AGTPBP1: variants seen among roughly 807,000 people sequenced by gnomAD.
AGTPBP1 encodes cytosolic carboxypeptidase 1.
Under a neutral mutation model 143.9 loss-of-function variants are expected in AGTPBP1, and 70 were observed. The ratio of observed to expected loss-of-function variants is 0.49; its 90% CI spans 0.40 to 0.59. AGTPBP1 has a LOEUF of 0.59. Ranked by LOEUF, AGTPBP1 falls within the 20% of genes least tolerant of loss-of-function variation. AGTPBP1 has a pLI of 0.00. For synonymous variants in AGTPBP1, 463 were observed against 500.2 expected, an observed-to-expected ratio of 0.93 and a Z score of 0.99; for missense variants, 1,229 against 1,464.5, an observed-to-expected ratio of 0.84 and a Z score of 2.62.
intron 17 of AGTPBP1, among the ~76,000 whole-genome samples, chr9:85,606,883 A>T (rs1215059161): frequency 3.9e-5 from 6 of 152,002 alleles, no homozygotes; most frequent in Admixed American, 3.9e-4. Context: ...AAAATAATAG[A>T]TACAAAAGCT....
the AGTPBP1 span, among the ~76,000 whole-genome samples, chr9:85,803,564 A>C: frequency 6.6e-6 from 1 of 152,198 alleles, no homozygotes; most frequent in Non-Finnish European, 1.5e-5. Context: ...TAAGGTCCTC[A>C]TGTCAGTGCT....
chr9:85,619,900 A>C (rs924342712), intron 15 of AGTPBP1, among the ~76,000 whole-genome samples: 2 of 152,136 alleles, frequency 1.3e-5, no homozygotes, highest in African/African-American at 4.8e-5. Flanking sequence ...ATGCTCAATA[A>C]TTCTGTCCAA....
intron 17 of AGTPBP1, among the ~76,000 whole-genome samples, chr9:85,603,496 A>C (rs1829799182): frequency 6.6e-6 from 1 of 152,194 alleles, no homozygotes; most frequent in Admixed American, 6.5e-5. Flanking sequence ...TTGGGCCTTG[A>C]ATAAACATCA....
chr9:85,690,458 A>G (rs1393463961), intron 3 of AGTPBP1, among the ~76,000 whole-genome samples: 2 of 152,132 alleles, frequency 1.3e-5, no homozygotes, highest in African/African-American at 4.8e-5. Flanking sequence ...TGATAGTGGT[A>G]TGGTCAGGAG....
chr9:85,753,309 C>T, the AGTPBP1 span: 14 of 1,613,654 alleles, frequency 8.7e-6, no homozygotes, highest in African/African-American at 1.3e-5. Flanking sequence ...TCTATAGGAA[C>T]TACAATTAAA....
At chr9:85,658,102 T>C (rs963689951) in intron 9 of AGTPBP1, among the ~76,000 whole-genome samples, 5 of 152,164 alleles carry the variant, frequency 3.3e-5, no homozygotes, top group Non-Finnish European at 2.9e-5. Flanking sequence ...ATAAACCCTA[T>C]TGAATTGTAG....
chr9:85,684,721 C>T (rs755825128), intron 3 of AGTPBP1, among the ~76,000 whole-genome samples: 1 of 152,112 alleles, frequency 6.6e-6, no homozygotes, highest in African/African-American at 2.4e-5. Context: ...AACTTCCTAA[C>T]ACTTAGCACT....
chr9:85,735,705 AAGGAGTCT>A (rs1336500080), intron 1 of AGTPBP1, among the ~76,000 whole-genome samples: 1 of 152,212 alleles, frequency 6.6e-6, no homozygotes, highest in Non-Finnish European at 1.5e-5. Flanking sequence ...ATGCACCAAA[AAGGAGTCT>A]AGAAAGTGTG....
chr9:85,646,422 T>C lies in AGTPBP1; in HGVS notation c.1088-4A>G, dbSNP rs1399207464. On this transcript the variant is annotated splice_region_variant and splice_polypyrimidine_tract_variant and intron_variant, in intron 11 of 25. Coordinates refer to ENST00000357081, the MANE Select transcript of AGTPBP1 (RefSeq NM_001330701.2). ...CTTTCATCTACTACGTCATCCACTA[T>C]GATACAAAATGTGCTATAAGTAGGT... The C allele has an allele frequency of 6.2e-7, 1 of 1,609,638 alleles. No individual in the cohort carries two copies. Among genetic ancestry groups the C allele is most frequent in the Non-Finnish European group, 8.5e-7 (1 of 1,177,204 alleles).
At chr9:85,634,564 T>C (rs1015395284) in intron 13 of AGTPBP1, among the ~76,000 whole-genome samples, 4 of 152,160 alleles carry the variant, frequency 2.6e-5, no homozygotes, top group Non-Finnish European at 4.4e-5. Context: ...CAGGGAGGGA[T>C]GCCATGACAC....
intron 9 of AGTPBP1, among the ~76,000 whole-genome samples, chr9:85,660,156 G>C (rs1444310097): frequency 2.6e-5 from 4 of 151,982 alleles, no homozygotes; most frequent in Non-Finnish European, 5.9e-5. Context: ...GACAGTTCTT[G>C]ATGAGCTAGC....
chr9:85,799,820 A>T, the AGTPBP1 span, among the ~76,000 whole-genome samples: 1 of 152,064 alleles, frequency 6.6e-6, no homozygotes, highest in African/African-American at 2.4e-5. Context: ...GCCCAGTCAA[A>T]ATTTTTCAAA....
At chr9:85,784,424 T>G in the AGTPBP1 span, among the ~76,000 whole-genome samples, 9 of 152,162 alleles carry the variant, frequency 5.9e-5, no homozygotes, top group African/African-American at 2.2e-4. Flanking sequence ...GATTTTTTTT[T>G]AGAGTTGGGG....
At chr9:85,795,198 G>T in the AGTPBP1 span, among the ~76,000 whole-genome samples, 1 of 152,104 alleles carries the variant, frequency 6.6e-6, no homozygotes, top group Admixed American at 6.6e-5. Flanking sequence ...AGGTCATTTG[G>T]CATTTGTAGT....
intron 1 of AGTPBP1, among the ~76,000 whole-genome samples, chr9:85,735,378 T>C (rs150819999): frequency 0.022 from 3,333 of 152,228 alleles, 36 homozygotes; most frequent in South Asian, 0.035. Flanking sequence ...GAATGGATTA[T>C]GGGGGAGGGG....
chr9:85,631,794 G>A (rs1831695649), intron 14 of AGTPBP1, among the ~76,000 whole-genome samples: 1 of 151,972 alleles, frequency 6.6e-6, no homozygotes, highest in South Asian at 2.1e-4. Flanking sequence ...ACTGATACAA[G>A]CCATTATCAT....
At chr9:85,751,470 T>C in the AGTPBP1 span, among the ~76,000 whole-genome samples, 20 of 152,204 alleles carry the variant, frequency 1.3e-4, no homozygotes, top group Non-Finnish European at 2.4e-4. Context: ...GCACTTTCAA[T>C]TGCGTACTTA....
intron 23 of AGTPBP1, among the ~76,000 whole-genome samples, chr9:85,584,226 A>T (rs1828465269): frequency 6.6e-6 from 1 of 152,112 alleles, no homozygotes. Flanking sequence ...TATTTAATGC[A>T]GTCTAACCTA....
chr9:85,777,092 C>T, the AGTPBP1 span, among the ~76,000 whole-genome samples: 5 of 152,084 alleles, frequency 3.3e-5, no homozygotes, highest in Non-Finnish European at 5.9e-5. Context: ...CTTCATCCTG[C>T]GAATGACCAG....
Sources: gnomAD v4.1 joint callset for allele counts (sites outside exome capture counted in the v4.1 genomes callset) on GRCh38, gnomAD v4.1.1 for gene constraint, MANE v1.5 for transcripts, NCBI Gene and HGNC (gene_info 2026-07-23, HGNC 2026-07-21) for gene names.